DCDC2C: variants seen among roughly 807,000 people sequenced by gnomAD.
DCDC2C encodes the protein doublecortin domain containing 2C.
A neutral mutation model predicts 45.0 loss-of-function variants in DCDC2C; 44 were observed. That is an observed-to-expected ratio of 0.98 (90% CI 0.77 to 1.26). The LOEUF (loss-of-function observed/expected upper bound fraction) is 1.26. Among genes scored for constraint, DCDC2C ranks in the 50% most tolerant of loss-of-function variants. The probability of loss-of-function intolerance (pLI) is 0.00; values close to 1 mark genes in which losing one functional copy is unlikely to be tolerated. For synonymous variants in DCDC2C, 187 were observed against 178.8 expected, an observed-to-expected ratio of 1.05 and a Z score of -0.37; for missense variants, 447 against 468.9, an observed-to-expected ratio of 0.95 and a Z score of 0.43.
chr2:3,741,793 A>C (rs2249380), intron 3 of DCDC2C, 127 bp from the exon 4 acceptor site: 618,819 of 971,668 alleles, frequency 0.64, 203,782 homozygotes, highest in East Asian at 0.97. Context: ...ACATAGTATG[A>C]AGTATTGGAG....
intron 10 of DCDC2C, among the ~76,000 whole-genome samples, chr2:3,820,890 G>A (rs545237260): frequency 6.6e-6 from 1 of 152,058 alleles, no homozygotes; most frequent in Admixed American, 6.5e-5. Context: ...ATGGAGTGAG[G>A]GCAAGGACAG....
intron 10 of DCDC2C, among the ~76,000 whole-genome samples, chr2:3,787,835 A>G (rs1670693870): frequency 6.6e-6 from 1 of 152,266 alleles, no homozygotes; most frequent in Admixed American, 6.5e-5. Context: ...CTTGTCAAAT[A>G]ATAGAAAATT....
chr2:3,715,845 TAAAC>T (rs886552285), intron 2 of DCDC2C, among the ~76,000 whole-genome samples: 7 of 152,150 alleles, frequency 4.6e-5, no homozygotes, highest in African/African-American at 1.7e-4. Flanking sequence ...AGACAGATAA[TAAAC>T]AAAATCTATA....
intron 6 of DCDC2C, among the ~76,000 whole-genome samples, chr2:3,762,292 T>C (rs1220913842): frequency 6.6e-6 from 1 of 151,798 alleles, no homozygotes; most frequent in Non-Finnish European, 1.5e-5. Context: ...AATGGCTGTG[T>C]AAGTGGAAAA....
chr2:3,834,676 C>G (rs1234750322), intron 10 of DCDC2C, among the ~76,000 whole-genome samples: 1 of 152,150 alleles, frequency 6.6e-6, no homozygotes, highest in Non-Finnish European at 1.5e-5. Flanking sequence ...TTTAAGATTC[C>G]CATTCCAGTG....
intron 2 of DCDC2C, among the ~76,000 whole-genome samples, chr2:3,722,564 G>GAAGAGGTCTA (rs1390442194): frequency 6.6e-6 from 1 of 152,210 alleles, no homozygotes; most frequent in Non-Finnish European, 1.5e-5. Flanking sequence ...TGCCTTGGTT[G>GAAGAGGTCTA]AAGAGGTCTA....
chr2:3,801,334 T>C (rs1671107394), intron 10 of DCDC2C, among the ~76,000 whole-genome samples: 1 of 152,182 alleles, frequency 6.6e-6, no homozygotes, highest in East Asian at 1.9e-4. Context: ...GCCTTCCTCA[T>C]TCTTCTGCAA....
intron 2 of DCDC2C, among the ~76,000 whole-genome samples, chr2:3,720,799 G>A (rs920900599): frequency 6.6e-6 from 1 of 152,052 alleles, no homozygotes; most frequent in African/African-American, 2.4e-5. Flanking sequence ...TTGTTGTCTT[G>A]GTGGAAAGGT....
chr2:3,813,069 T>TATATATATATATATA (rs1558238816), intron 10 of DCDC2C, among the ~76,000 whole-genome samples: 1 of 54,926 alleles, frequency 1.8e-5, no homozygotes, highest in African/African-American at 7.2e-5. Context: ...ATATATATAT[T>TATATATATATATATA]TTTTTTTTTT....
intron 10 of DCDC2C, among the ~76,000 whole-genome samples, chr2:3,846,557 AC>A (rs541715642): frequency 4.9e-4 from 75 of 152,282 alleles, no homozygotes; most frequent in African/African-American, 1.7e-3. Context: ...GGAATTAAAC[AC>A]TCTGAACATT....
intron 10 of DCDC2C, among the ~76,000 whole-genome samples, chr2:3,812,483 A>G (rs768381654): frequency 6.6e-6 from 1 of 151,682 alleles, no homozygotes; most frequent in Non-Finnish European, 1.5e-5. Flanking sequence ...TGTCTTCTTT[A>G]TTAGTGTAGA....
At chr2:3,804,000 C>T (rs996198967) in intron 10 of DCDC2C, among the ~76,000 whole-genome samples, 7 of 152,202 alleles carry the variant, frequency 4.6e-5, no homozygotes, top group African/African-American at 1.7e-4. Flanking sequence ...CTCGACCACT[C>T]CAAACTTTGG....
intron 3 of DCDC2C, among the ~76,000 whole-genome samples, chr2:3,733,659 C>T (rs1480534426): frequency 1.3e-5 from 2 of 152,214 alleles, no homozygotes; most frequent in South Asian, 2.1e-4. Context: ...GCTGTGTCCT[C>T]ACATGATGGA....
intron 10 of DCDC2C, among the ~76,000 whole-genome samples, chr2:3,790,452 A>G (rs1231369590): frequency 6.6e-6 from 1 of 152,140 alleles, no homozygotes; most frequent in Non-Finnish European, 1.5e-5. Context: ...ATCCATAACA[A>G]TCATTTCCTC....
In DCDC2C at chr2:3,724,115, C is replaced by T. The variant is rs887448396; in HGVS notation, c.340-2888C>T. Among the ~76,000 whole-genome samples the T allele has an allele frequency of 1.7e-4, 26 of 152,238 alleles. No individual in the cohort carries two copies. The South Asian group carries it at 2.1e-3, about 12-fold the overall frequency. On this transcript the variant is annotated intron_variant, in intron 2 of 10. Transcript: ENST00000399143. ...TATTATTCTCATAAGAACTCTGTAA[C>T]GCACGATGAGATCCATTCTAAAAAT...
At chr2:3,841,994 C>T (rs1416778695) in intron 10 of DCDC2C, among the ~76,000 whole-genome samples, 1 of 152,070 alleles carries the variant, frequency 6.6e-6, no homozygotes, top group Non-Finnish European at 1.5e-5. Flanking sequence ...TATTTTTACC[C>T]CTATTTTCAA....
At chr2:3,785,609 G>A (rs1572616157) in intron 10 of DCDC2C, among the ~76,000 whole-genome samples, 1 of 152,116 alleles carries the variant, frequency 6.6e-6, no homozygotes, top group African/African-American at 2.4e-5. Flanking sequence ...ACCACACCTG[G>A]CAGCGGAAGG....
chr2:3,725,076 C>A (rs1668603239), intron 2 of DCDC2C, among the ~76,000 whole-genome samples: 1 of 152,076 alleles, frequency 6.6e-6, no homozygotes, highest in African/African-American at 2.4e-5. Flanking sequence ...GTTCAGGCCC[C>A]CGACCTTCTG....
At position 3,785,354 on chromosome 2, in the gene DCDC2C, C is replaced by G. The variant is rs750987538; in HGVS notation, c.1065+254C>G. On this transcript the variant is annotated intron_variant, in intron 10 of 10. Transcript: ENST00000399143. ...ATAAGAACCAGGAGTAAAAAGCGCC[C>G]TAGGGCAGCGTGTGGCTGGCATCTG... 1.0e-3 allele frequency among the ~76,000 whole-genome samples: 153 copies of G among 152,126 alleles called. 3 individuals are homozygous for G. Among genetic ancestry groups the G allele is most frequent in the Non-Finnish European group, 1.9e-4 (13 of 68,006 alleles).
Sources: gnomAD v4.1 joint callset for allele counts (sites outside exome capture counted in the v4.1 genomes callset) on GRCh38, gnomAD v4.1.1 for gene constraint, MANE v1.5 for transcripts, NCBI Gene and HGNC (gene_info 2026-07-23, HGNC 2026-07-21) for gene names.